The following UGT2B7 variants were observed in gnomAD, a reference collection of about 807,000 sequenced individuals.
UGT2B7 encodes UDP-glucuronosyltransferase 2B7.
In UGT2B7, 51 loss-of-function variants were observed where a neutral mutation model predicts 51.9. The observed-to-expected ratio is 0.98, with a 90% confidence interval of 0.78 to 1.24. The LOEUF (loss-of-function observed/expected upper bound fraction) is 1.24. Ranked by LOEUF, UGT2B7 falls within the 50% of genes most tolerant of loss-of-function variation. The pLI, the probability that UGT2B7 is intolerant of heterozygous loss-of-function variation, is 0.00. For missense variants in UGT2B7, 727 were observed against 628.4 expected, an observed-to-expected ratio of 1.16 and a Z score of -1.68; for synonymous variants, 225 against 211.6, an observed-to-expected ratio of 1.06 and a Z score of -0.55.
In UGT2B7 at chr4:69,097,473, C is replaced by T. The variant is rs570282614; in HGVS notation, c.721+232C>T. On this transcript the variant is annotated intron_variant, in intron 1 of 5. Coordinates refer to ENST00000305231, the MANE Select transcript of UGT2B7 (RefSeq NM_001074.4). Reference sequence around the variant, plus strand: ...ACAGAACACCCCAGGAAATCATAAACCTATACATTAGTGCATCTAAGACTT... The same window carrying T: ...ACAGAACACCCCAGGAAATCATAAATCTATACATTAGTGCATCTAAGACTT... 2.6e-5 allele frequency among the ~76,000 whole-genome samples: 4 copies of T among 152,060 alleles called. No homozygotes were observed. The East Asian group carries it at 5.8e-4, about 22-fold the overall frequency.
At chr4:69,095,317 A>G (rs2109882017), upstream of UGT2B7, among the ~76,000 whole-genome samples, 1 of 152,268 alleles carries the variant, frequency 6.6e-6, no homozygotes, top group Non-Finnish European at 1.5e-5. Flanking sequence ...TAGTCAGGGT[A>G]ATAGGGTAAA....
intron 3 of UGT2B7, among the ~76,000 whole-genome samples, chr4:69,104,617 A>G (rs1417253896): frequency 6.6e-6 from 1 of 152,184 alleles, no homozygotes; most frequent in Non-Finnish European, 1.5e-5. Context: ...TAAATTTGGC[A>G]TTAATAGTAT....
chr4:69,089,497 C>A (rs1031891675), exon 2 of UGT2B7: 1 of 150,708 alleles, frequency 6.6e-6, no homozygotes, highest in African/African-American at 2.4e-5. Context: ...GTCCAGATCT[C>A]TGGCAAAGAT....
chr4:69,052,569 CAAAAAAAAAA>C (rs1204317464), intron 1 of UGT2B7, among the ~76,000 whole-genome samples: 2 of 64,690 alleles, frequency 3.1e-5, no homozygotes, highest in East Asian at 4.3e-4. Context: ...TGGTTATCTT[CAAAAAAAAAA>C]AAAAAAAAAA....
intron 1 of UGT2B7, among the ~76,000 whole-genome samples, chr4:69,070,372 C>G (rs1190796894): frequency 6.8e-6 from 1 of 148,032 alleles, no homozygotes; most frequent in African/African-American, 2.5e-5. Flanking sequence ...ACGTTTGTTA[C>G]CTAGATAAAG....
upstream of UGT2B7, among the ~76,000 whole-genome samples, chr4:69,093,236 G>A (rs1251799138): frequency 1.3e-5 from 2 of 152,200 alleles, no homozygotes; most frequent in East Asian, 3.9e-4. Flanking sequence ...GTCTGGCCAT[G>A]TTTTGGTAGA....
At chr4:69,070,765 C>T (rs1162871215) in intron 1 of UGT2B7, among the ~76,000 whole-genome samples, 1 of 152,004 alleles carries the variant, frequency 6.6e-6, no homozygotes, top group Admixed American at 6.6e-5. Context: ...TGAGCAAAGC[C>T]TCAGCATGAA....
chr4:69,094,530 C>T (rs1719168526), upstream of UGT2B7, among the ~76,000 whole-genome samples: 3 of 152,154 alleles, frequency 2.0e-5, no homozygotes, highest in Admixed American at 2.0e-4. Flanking sequence ...TAAAAAAATA[C>T]ATGCCTTAAT....
At position 69,097,001 on chromosome 4, in the gene UGT2B7, G is replaced by A. The variant is rs756445459; in HGVS notation, c.481G>A (p.Ala161Thr). 1.9e-6 allele frequency: 3 copies of A among 1,613,756 alleles called. No individual in the cohort carries two copies. The East Asian group carries it at 6.7e-5, about 36-fold the overall frequency. The change falls in exon 1 of 6, where the codon GCT becomes ACT. Residue 161 changes from alanine to threonine, a missense_variant. Coordinates refer to ENST00000305231, the MANE Select transcript of UGT2B7 (RefSeq NM_001074.4). ...DAIFPCSELLAELFNIPFVYS... is the reference protein window; with the variant it reads ...DAIFPCSELLTELFNIPFVYS... ...TATTTTTCCCTGTAGTGAGCTGCTG[G>A]CTGAGCTATTTAACATACCCTTTGT...
chr4:69,066,777 G>T (rs77802598), intron 1 of UGT2B7, among the ~76,000 whole-genome samples: 1,774 of 152,032 alleles, frequency 0.012, 35 homozygotes, highest in African/African-American at 0.041. Flanking sequence ...TTTCTGGGTT[G>T]TCTGTCTCCT....
intron 3 of UGT2B7, among the ~76,000 whole-genome samples, chr4:69,106,599 T>C (rs777587910): frequency 1.3e-5 from 2 of 152,126 alleles, no homozygotes; most frequent in East Asian, 3.9e-4. Context: ...CCATTTATAG[T>C]CCGTTGGTTA....
chr4:69,072,488 G>A (rs1352726277), intron 1 of UGT2B7, among the ~76,000 whole-genome samples: 2 of 152,138 alleles, frequency 1.3e-5, no homozygotes, highest in Non-Finnish European at 2.9e-5. Context: ...TTATGTATAA[G>A]TTTTCTGAAT....
At chr4:69,111,282 A>G (rs1003723014) in intron 5 of UGT2B7, among the ~76,000 whole-genome samples, 1 of 152,184 alleles carries the variant, frequency 6.6e-6, no homozygotes, top group Non-Finnish European at 1.5e-5. Flanking sequence ...ATTTTATTCT[A>G]AAAATAATGA....
At position 69,102,956 on chromosome 4, in the gene UGT2B7, A is replaced by G. The variant is rs1301759969; in HGVS notation, c.1002+18A>G. On this transcript the variant is annotated intron_variant, in intron 3 of 5. Coordinates refer to ENST00000305231, the MANE Select transcript of UGT2B7 (RefSeq NM_001074.4). ...CACAAAAGGTAAGATGAAGTGCCTT[A>G]CTGGTGTGGAAAACTACTGAAAGAG... 6.2e-7 allele frequency: 1 copy of G among 1,606,860 alleles called. No individual in the cohort carries two copies. The highest frequency in any genetic ancestry group is 1.1e-5 in the South Asian group (1 of 89,876).
intron 2 of UGT2B7, among the ~76,000 whole-genome samples, chr4:69,101,982 A>G (rs1019493985): frequency 6.6e-6 from 1 of 152,182 alleles, no homozygotes; most frequent in African/African-American, 2.4e-5. Flanking sequence ...CCTCACATGC[A>G]GTTATAAACA....
chr4:69,070,456 C>T (rs1445827652), intron 1 of UGT2B7, among the ~76,000 whole-genome samples: 1 of 140,278 alleles, frequency 7.1e-6, no homozygotes, highest in Non-Finnish European at 1.5e-5. Flanking sequence ...AAAAGAAAAA[C>T]AGAGCAAGAT....
intron 1 of UGT2B7, among the ~76,000 whole-genome samples, chr4:69,059,262 TTGTGGGAGCCACTGGAGTCTC>T (rs766093680): frequency 6.6e-6 from 1 of 152,198 alleles, no homozygotes; most frequent in Non-Finnish European, 1.5e-5. Context: ...TGTGCAACTA[TTGTGGGAGCCACTGGAGTCTC>T]TGAAAAGAGG....
chr4:69,089,334 T>C lies in UGT2B7; in HGVS notation c.-158-138T>C, dbSNP rs1476660375. 5.3e-5 allele frequency: 8 copies of C among 152,342 alleles called. No individual in the cohort carries two copies. In the East Asian group the frequency reaches 1.5e-3, roughly 29 times the overall value. 9.4% of individuals were successfully genotyped at this position (152,342 alleles called of 1,614,324 possible). ...CCAACACAAACTTTCTTGTAGAGACTGGCAGTACATGGCAGAATATAGGGA... is the reference window on the plus strand; with the variant it reads ...CCAACACAAACTTTCTTGTAGAGACCGGCAGTACATGGCAGAATATAGGGA... On this transcript the variant is annotated intron_variant, in intron 1 of 5. Transcript: ENST00000502942.
At chr4:69,054,767 G>T (rs748680781) in intron 1 of UGT2B7, among the ~76,000 whole-genome samples, 1 of 152,028 alleles carries the variant, frequency 6.6e-6, no homozygotes, top group African/African-American at 2.4e-5. Flanking sequence ...GTCCACGCAC[G>T]GCTGAAGCAT....
Sources: allele counts gnomAD v4.1 joint callset (sites outside exome capture counted in the v4.1 genomes callset), GRCh38; gene constraint gnomAD v4.1.1; transcripts MANE v1.5; gene names NCBI Gene and HGNC (gene_info 2026-07-23, HGNC 2026-07-21).